Variants in EXOC4 observed in about 807,000 individuals in gnomAD.
EXOC4 encodes the protein SEC8-like 1.
EXOC4 carries 71 observed loss-of-function variants against 107.2 expected under a neutral mutation model. That is an observed-to-expected ratio of 0.66 (90% CI 0.55 to 0.81). The LOEUF (loss-of-function observed/expected upper bound fraction) is 0.81, where lower values mean the gene tolerates loss of function less well. Among genes scored for constraint, EXOC4 ranks in the 30% least tolerant of loss-of-function variants. The pLI is 0.00. For missense variants in EXOC4, 1,108 were observed against 1,189.6 expected, an observed-to-expected ratio of 0.93 and a Z score of 1.01; for synonymous variants, 456 against 441.2, an observed-to-expected ratio of 1.03 and a Z score of -0.42.
chr7:133,846,820 T>C (rs1019698490), intron 11 of EXOC4, among the ~76,000 whole-genome samples: 5 of 152,242 alleles, frequency 3.3e-5, no homozygotes, highest in Admixed American at 1.3e-4. Flanking sequence ...TCCTGGTATC[T>C]GGACAAGATT....
intron 10 of EXOC4, among the ~76,000 whole-genome samples, chr7:133,814,600 C>T (rs1004664253): frequency 2.0e-5 from 3 of 152,074 alleles, no homozygotes; most frequent in Admixed American, 2.0e-4. Context: ...ATAGTGCCAA[C>T]CTGCCTTCCA....
rs149748057 is a variant in EXOC4 at position 133,855,598 on chromosome 7, C to T, written c.1734+38054C>T. On this transcript the variant is annotated intron_variant, in intron 11 of 17. Transcript: ENST00000253861. ...GTGCCTGTGTAGTGATGTAATAGCA[C>T]TGTTAACCATAATAGAATGATCAAT... Among the ~76,000 whole-genome samples the T allele has an allele frequency of 5.3e-5, 8 of 152,182 alleles. No homozygotes were observed. The East Asian group carries it at 1.4e-3, about 26-fold the overall frequency.
chr7:133,869,576 T>C (rs1365221541), intron 11 of EXOC4, among the ~76,000 whole-genome samples: 1 of 152,218 alleles, frequency 6.6e-6, no homozygotes, highest in Non-Finnish European at 1.5e-5. Context: ...GCTCAAGAAA[T>C]ATTCACTAAA....
intron 9 of EXOC4, among the ~76,000 whole-genome samples, chr7:133,555,342 T>C (rs1313413716): frequency 6.6e-6 from 1 of 152,204 alleles, no homozygotes; most frequent in Non-Finnish European, 1.5e-5. Flanking sequence ...ATATTTTTCT[T>C]TATAGTAGTT....
At chr7:134,046,715 T>C (rs1175675768) in intron 17 of EXOC4, among the ~76,000 whole-genome samples, 2 of 152,042 alleles carry the variant, frequency 1.3e-5, no homozygotes, top group African/African-American at 4.8e-5. Flanking sequence ...CACCAAGCAC[T>C]CAGGACCCAT....
intron 5 of EXOC4, among the ~76,000 whole-genome samples, chr7:133,331,352 A>G (rs1022599759): frequency 6.6e-6 from 1 of 152,202 alleles, no homozygotes; most frequent in Admixed American, 6.5e-5. Context: ...AAGCTAATAG[A>G]GTAATAGGCA....
chr7:133,619,953 G>A (rs1021924491), intron 9 of EXOC4, among the ~76,000 whole-genome samples: 12 of 151,336 alleles, frequency 7.9e-5, no homozygotes, highest in African/African-American at 4.9e-5. Flanking sequence ...CTTTCTCTGC[G>A]TGCTGCCTAC....
At chr7:133,784,947 T>C (rs1472520036) in intron 10 of EXOC4, among the ~76,000 whole-genome samples, 1 of 152,216 alleles carries the variant, frequency 6.6e-6, no homozygotes, top group East Asian at 1.9e-4. Flanking sequence ...TTTCGGGCCC[T>C]CCAGAAGATA....
chr7:133,463,116 A>G (rs894488913), intron 7 of EXOC4, among the ~76,000 whole-genome samples: 16 of 152,128 alleles, frequency 1.1e-4, no homozygotes, highest in South Asian at 4.1e-4. Flanking sequence ...CCTGATTTAG[A>G]AAGATGAGTA....
intron 9 of EXOC4, among the ~76,000 whole-genome samples, chr7:133,622,895 T>C (rs1802368279): frequency 6.6e-6 from 1 of 152,166 alleles, no homozygotes; most frequent in Non-Finnish European, 1.5e-5. Context: ...TTGAAAAAAC[T>C]GTTCTTGGAG....
chr7:134,014,621 G>A (rs1482861601), intron 17 of EXOC4, among the ~76,000 whole-genome samples: 1 of 152,020 alleles, frequency 6.6e-6, no homozygotes, highest in Non-Finnish European at 1.5e-5. Context: ...AGATTAGTAG[G>A]GGTCGAAAGG....
chr7:133,427,358 C>T (rs1797750235), intron 7 of EXOC4, among the ~76,000 whole-genome samples: 1 of 152,196 alleles, frequency 6.6e-6, no homozygotes, highest in Admixed American at 6.5e-5. Context: ...TTGACATCAC[C>T]TCTATACGTT....
chr7:133,338,587 G>A (rs1181796695), intron 5 of EXOC4, among the ~76,000 whole-genome samples: 12 of 110,212 alleles, frequency 1.1e-4, no homozygotes, highest in Non-Finnish European at 1.9e-4. Context: ...GCGCCAGAGC[G>A]AGACTCCGTC....
At chr7:133,981,061 G>T (rs1366123880) in intron 14 of EXOC4, among the ~76,000 whole-genome samples, 1 of 152,150 alleles carries the variant, frequency 6.6e-6, no homozygotes, top group East Asian at 1.9e-4. Context: ...AGTAGAAATT[G>T]TCTTAGCAAG....
chr7:133,663,187 A>T (rs1039319083), intron 10 of EXOC4, among the ~76,000 whole-genome samples: 2 of 151,192 alleles, frequency 1.3e-5, no homozygotes, highest in South Asian at 2.1e-4. Flanking sequence ...TCTTTGAAAG[A>T]CTCCCTTCAC....
chr7:133,374,732 T>A (rs950041317), intron 6 of EXOC4, 96 bp from the exon 7 acceptor site: 12 of 953,290 alleles, frequency 1.3e-5, no homozygotes, highest in African/African-American at 1.6e-5. Context: ...CATTGTAGAA[T>A]GCTACTTTAG....
In EXOC4 at chr7:134,007,751, A is replaced by G. The variant is rs1218016949; in HGVS notation, c.2603A>G (p.Lys868Arg). 5 of 1,613,636 alleles carry G rather than the reference A, an allele frequency of 3.1e-6. No homozygotes were observed. The highest frequency in any genetic ancestry group is 4.2e-6 in the Non-Finnish European group (5 of 1,179,744). Residue 868 changes from lysine (K) to arginine (R), a missense_variant, in exon 17 of 18, where the codon AAG becomes AGG. Lys to Arg is a conservative substitution (Grantham distance 26). Transcript: ENST00000253861. ...AGGCGCATCAGTGAGTCTGGCATCAAGAAAATGTGTAGGAACATTTTTGTT... is the reference window on the plus strand; with the variant it reads ...AGGCGCATCAGTGAGTCTGGCATCAGGAAAATGTGTAGGAACATTTTTGTT... ...YFRRISESGI[K>R]KMCRNIFVLQ...
At chr7:134,066,124 A>G (rs1453779668), downstream of EXOC4, 1 of 152,294 alleles carries the variant, frequency 6.6e-6, no homozygotes, top group Non-Finnish European at 1.5e-5. Flanking sequence ...CGATATCATG[A>G]GAAATAGTCT....
chr7:133,974,795 TTAG>T (rs1306478651), intron 14 of EXOC4, among the ~76,000 whole-genome samples: 2 of 152,222 alleles, frequency 1.3e-5, no homozygotes, highest in Non-Finnish European at 2.9e-5. Context: ...ACTCAGCTTG[TTAG>T]TAGTCATTGT....
Sources: allele counts gnomAD v4.1 joint callset (sites outside exome capture counted in the v4.1 genomes callset), GRCh38; gene constraint gnomAD v4.1.1; transcripts MANE v1.5; gene names NCBI Gene and HGNC (gene_info 2026-07-23, HGNC 2026-07-21).